FOXJ3: variants seen among roughly 807,000 people sequenced by gnomAD.
FOXJ3 encodes forkhead box J3.
A neutral mutation model predicts 76.1 loss-of-function variants in FOXJ3; 22 were observed. The ratio of observed to expected loss-of-function variants is 0.29; its 90% CI spans 0.21 to 0.41. FOXJ3 has a LOEUF of 0.41. FOXJ3 is among the 10% of genes least tolerant of loss of function. FOXJ3 has a pLI of 1.00. For missense variants in FOXJ3, 613 were observed against 762.1 expected (o/e 0.80, Z 2.30); for synonymous variants, 269 against 261.2 (o/e 1.03, Z -0.29).
At chr1:42,291,007 A>T (rs1653379903) in intron 2 of FOXJ3, among the ~76,000 whole-genome samples, 1 of 151,722 alleles carries the variant, frequency 6.6e-6, no homozygotes, top group African/African-American at 2.4e-5. Context: ...AACAGAACAG[A>T]GTCCAAGAAA....
At chr1:42,335,778 T>C (rs1656459425), upstream of FOXJ3, 1 of 147,088 alleles carries the variant, frequency 6.8e-6, no homozygotes, top group Non-Finnish European at 1.5e-5. Context: ...GCTAGACTCA[T>C]GTCTGCGGAG....
rs115817356 is a variant in FOXJ3, at chr1:42,255,168, T to C, written c.444+9947A>G. Reference sequence around the variant, plus strand: ...TAAGTAGAAGCACAAGATATGACAATAGCACAAAGAAAGGAATGTAGATAA... The same window carrying C: ...TAAGTAGAAGCACAAGATATGACAACAGCACAAAGAAAGGAATGTAGATAA... On this transcript the variant is annotated intron_variant, in intron 4 of 12. Coordinates refer to ENST00000361346, the MANE Select transcript of FOXJ3 (RefSeq NM_014947.5). 7.2e-3 allele frequency among the ~76,000 whole-genome samples: 1,096 copies of C among 152,128 alleles called. 21 individuals carry two copies. Among genetic ancestry groups the C allele is most frequent in the African/African-American group, 0.025 (1,049 of 41,482 alleles).
Position 42,311,125 on chromosome 1 carries a change from A to G in FOXJ3, c.-17-15T>C. ...ACAAAGAGAATCTGAAAAGCAAAGA[A>G]GAGTTAGTTATCAGATACTGCAAAG... On this transcript the variant is annotated splice_polypyrimidine_tract_variant and intron_variant, in intron 1 of 12. Transcript: ENST00000361346. 4 of 1,563,868 alleles carry G rather than the reference A, an allele frequency of 2.6e-6. No homozygotes were observed. Among genetic ancestry groups the G allele is most frequent in the Non-Finnish European group, 2.6e-6 (3 of 1,150,514 alleles).
chr1:42,298,655 T>C (rs969979950), intron 2 of FOXJ3, among the ~76,000 whole-genome samples: 1 of 152,200 alleles, frequency 6.6e-6, no homozygotes, highest in Non-Finnish European at 1.5e-5. Flanking sequence ...TTTTATCTCA[T>C]TTAGGTCTGC....
chr1:42,298,404 G>C (rs796252159), intron 2 of FOXJ3, among the ~76,000 whole-genome samples: 48 of 152,302 alleles, frequency 3.2e-4, no homozygotes, highest in African/African-American at 8.9e-4. Flanking sequence ...TTGCGAGGTT[G>C]TATCTTTCCA....
intron 7 of FOXJ3, among the ~76,000 whole-genome samples, chr1:42,197,271 C>T (rs1158717571): frequency 6.6e-6 from 1 of 151,900 alleles, no homozygotes; most frequent in Non-Finnish European, 1.5e-5. Context: ...GGGAAGTCAA[C>T]AGGGCAGGAG....
chr1:42,253,772 G>A (rs1372763178), intron 4 of FOXJ3, among the ~76,000 whole-genome samples: 1 of 151,762 alleles, frequency 6.6e-6, no homozygotes, highest in Non-Finnish European at 1.5e-5. Flanking sequence ...GTAGAAAGCT[G>A]AAACTGGATC....
intron 5 of FOXJ3, among the ~76,000 whole-genome samples, chr1:42,208,572 T>C (rs540634065): frequency 2.0e-5 from 3 of 152,310 alleles, no homozygotes; most frequent in Admixed American, 2.0e-4. Context: ...AATAAGTCCA[T>C]AGCTAACACC....
chr1:42,313,536 G>A (rs1228231650), intron 1 of FOXJ3, among the ~76,000 whole-genome samples: 2 of 152,048 alleles, frequency 1.3e-5, no homozygotes, highest in East Asian at 1.9e-4. Flanking sequence ...AACCCAGAAG[G>A]AAATCAGCCA....
intron 6 of FOXJ3, among the ~76,000 whole-genome samples, chr1:42,199,548 TA>T (rs1182513049): frequency 4.6e-5 from 7 of 152,038 alleles, no homozygotes; most frequent in Non-Finnish European, 2.9e-5. Flanking sequence ...AATATTTCTA[TA>T]ATGCATAAAT....
At chr1:42,229,308 T>C (rs1023423289) in intron 4 of FOXJ3, among the ~76,000 whole-genome samples, 1 of 152,232 alleles carries the variant, frequency 6.6e-6, no homozygotes, top group East Asian at 1.9e-4. Context: ...TTCTAGGCTA[T>C]AAATTCCTTA....
At chr1:42,332,820 T>C (rs1211044671) in intron 1 of FOXJ3, among the ~76,000 whole-genome samples, 1 of 152,190 alleles carries the variant, frequency 6.6e-6, no homozygotes, top group Non-Finnish European at 1.5e-5. Context: ...TCTCCTGAAA[T>C]ACACCTCTTT....
At position 42,326,905 on chromosome 1, in the gene FOXJ3, G is replaced by T. The variant is rs555031610; in HGVS notation, c.-18+8154C>A. ...ACTAAGAGTAAGAAACAAGGAGAAT[G>T]CAGGGTCTGGGTTCCAGCATCTGTT... is the stretch of plus-strand genomic sequence containing the variant. On this transcript the variant is annotated intron_variant, in intron 1 of 12. Transcript: ENST00000361346. Among the ~76,000 whole-genome samples the T allele has an allele frequency of 1.0e-3, 155 of 152,268 alleles. 1 individual carries two copies. The highest frequency in any genetic ancestry group is 1.5e-3 in the Non-Finnish European group (103 of 68,024).
chr1:42,217,422 G>A (rs145103329), intron 5 of FOXJ3, among the ~76,000 whole-genome samples: 1 of 152,028 alleles, frequency 6.6e-6, no homozygotes, highest in Non-Finnish European at 1.5e-5. Flanking sequence ...CCAGCTACTC[G>A]GGAGGCTGAG....
intron 2 of FOXJ3, among the ~76,000 whole-genome samples, chr1:42,279,952 G>A (rs533774637): frequency 3.9e-4 from 59 of 152,078 alleles, no homozygotes; most frequent in Admixed American, 1.1e-3. Flanking sequence ...TGAACAACTT[G>A]GCGGCAACAG....
intron 2 of FOXJ3, among the ~76,000 whole-genome samples, chr1:42,291,075 T>TAGACAGACAGACAGACAGACAGAC (rs202052653): frequency 8.5e-6 from 1 of 117,914 alleles, no homozygotes; most frequent in Non-Finnish European, 1.8e-5. Context: ...GATAGATAGA[T>TAGACAGACAGACAGACAGACAGAC]AGATAGATAG....
chr1:42,251,701 C>T (rs1393280125), intron 4 of FOXJ3, among the ~76,000 whole-genome samples: 2 of 132,252 alleles, frequency 1.5e-5, no homozygotes, highest in Non-Finnish European at 1.5e-5. Flanking sequence ...ATTCGGTTTG[C>T]CAGTATTTTT....
At chr1:42,275,248 A>C (rs979787131) in intron 3 of FOXJ3, among the ~76,000 whole-genome samples, 5 of 152,196 alleles carry the variant, frequency 3.3e-5, no homozygotes, top group Non-Finnish European at 7.3e-5. Flanking sequence ...TGAAAAAGGC[A>C]AAAGTGTTGA....
chr1:42,296,003 C>G (rs1653765087), intron 2 of FOXJ3, among the ~76,000 whole-genome samples: 2 of 152,186 alleles, frequency 1.3e-5, no homozygotes, highest in Non-Finnish European at 2.9e-5. Context: ...CACAACCACA[C>G]CAACATCTGT....
Sources: gnomAD v4.1 joint callset for allele counts (sites outside exome capture counted in the v4.1 genomes callset) on GRCh38, gnomAD v4.1.1 for gene constraint, MANE v1.5 for transcripts, NCBI Gene and HGNC (gene_info 2026-07-23, HGNC 2026-07-21) for gene names.